Variants in COG5 observed in about 807,000 individuals in gnomAD.
COG5 encodes the protein component of oligomeric golgi complex 5.
A neutral mutation model predicts 110.4 loss-of-function variants in COG5; 86 were observed. That is an observed-to-expected ratio of 0.78 (90% CI 0.65 to 0.93). COG5 has a LOEUF of 0.93. COG5 is among the 40% of genes least tolerant of loss of function. COG5 has a pLI of 0.00. For synonymous variants in COG5, 360 were observed against 334.6 expected, an observed-to-expected ratio of 1.08 and a Z score of -0.83; for missense variants, 1,077 against 987.0, an observed-to-expected ratio of 1.09 and a Z score of -1.22.
At chr7:107,262,662 C>T (rs567895791) in intron 14 of COG5, among the ~76,000 whole-genome samples, 1 of 152,086 alleles carries the variant, frequency 6.6e-6, no homozygotes, top group Non-Finnish European at 1.5e-5. Context: ...TGCTCCTAAG[C>T]CCCTAGGAGA....
At chr7:107,458,401 A>G (rs1467593712) in intron 6 of COG5, among the ~76,000 whole-genome samples, 1 of 152,248 alleles carries the variant, frequency 6.6e-6, no homozygotes, top group East Asian at 1.9e-4. Flanking sequence ...ACTATGAAGT[A>G]AAAAACAGCA....
chr7:107,305,479 T>C (rs1807636757), intron 11 of COG5, among the ~76,000 whole-genome samples: 1 of 152,202 alleles, frequency 6.6e-6, no homozygotes, highest in Non-Finnish European at 1.5e-5. Context: ...AGTTATCTAT[T>C]GTCATGTAAC....
intron 12 of COG5, among the ~76,000 whole-genome samples, chr7:107,297,535 G>A (rs925978757): frequency 5.1e-5 from 7 of 137,070 alleles, no homozygotes; most frequent in East Asian, 2.3e-4. Context: ...TGCTGCCTCC[G>A]TCTCCCGGGT....
At chr7:107,426,798 A>C (rs1163811284) in intron 6 of COG5, among the ~76,000 whole-genome samples, 2 of 152,198 alleles carry the variant, frequency 1.3e-5, no homozygotes, top group Non-Finnish European at 2.9e-5. Flanking sequence ...TGGGGCATTC[A>C]GATCAAAGTT....
chr7:107,315,764 C>T (rs75028197), intron 11 of COG5, among the ~76,000 whole-genome samples: 2,840 of 152,174 alleles, frequency 0.019, 87 homozygotes, highest in African/African-American at 0.063. Context: ...TACTACAGTA[C>T]ACTTCAGGGA....
intron 17 of COG5, among the ~76,000 whole-genome samples, chr7:107,248,008 G>A (rs1344610942): frequency 1.3e-5 from 2 of 152,084 alleles, no homozygotes; most frequent in Admixed American, 6.6e-5. Flanking sequence ...GTAACAAAGG[G>A]GCTGAAGTAG....
intron 6 of COG5, among the ~76,000 whole-genome samples, chr7:107,520,184 A>G (rs887367935): frequency 3.3e-5 from 5 of 152,230 alleles, no homozygotes; most frequent in African/African-American, 9.6e-5. Flanking sequence ...CCCATAGCCA[A>G]TATCATACTA....
intron 7 of COG5, among the ~76,000 whole-genome samples, chr7:107,409,396 G>T (rs1331132253): frequency 6.6e-6 from 1 of 151,906 alleles, no homozygotes; most frequent in Admixed American, 6.6e-5. Flanking sequence ...GTAGATTACT[G>T]AAAGTAATCT....
intron 6 of COG5, among the ~76,000 whole-genome samples, chr7:107,455,280 T>G (rs958810895): frequency 6.6e-6 from 1 of 152,120 alleles, no homozygotes; most frequent in Non-Finnish European, 1.5e-5. Context: ...AAAGTGGGTT[T>G]AGGCTTAAAC....
intron 6 of COG5, among the ~76,000 whole-genome samples, chr7:107,457,776 GA>G (rs1420947153): frequency 6.6e-6 from 1 of 151,854 alleles, no homozygotes; most frequent in Admixed American, 6.6e-5. Context: ...ATGTTCTAAG[GA>G]AAAAAAGTAT....
At chr7:107,546,935 T>G (rs923038041) in intron 5 of COG5, among the ~76,000 whole-genome samples, 2 of 152,188 alleles carry the variant, frequency 1.3e-5, no homozygotes, top group African/African-American at 4.8e-5. Context: ...TACTGTTGAA[T>G]TCTACCATAC....
intron 7 of COG5, among the ~76,000 whole-genome samples, chr7:107,376,533 AT>A (rs1173170890): frequency 2.6e-5 from 4 of 151,812 alleles, no homozygotes. Flanking sequence ...TTTGATATAA[AT>A]TGTATGTTTT....
At chr7:107,271,668 A>G (rs1404176748) in intron 14 of COG5, among the ~76,000 whole-genome samples, 1 of 152,128 alleles carries the variant, frequency 6.6e-6, no homozygotes, top group Non-Finnish European at 1.5e-5. Context: ...ATTTTACTAA[A>G]AATCATAATT....
intron 6 of COG5, among the ~76,000 whole-genome samples, chr7:107,454,532 A>C (rs1795543079): frequency 1.3e-5 from 2 of 152,212 alleles, no homozygotes; most frequent in Admixed American, 1.3e-4. Context: ...TATATTTAAA[A>C]CACCTAATGC....
At chr7:107,544,813 T>C (rs545166300) in intron 5 of COG5, among the ~76,000 whole-genome samples, 2 of 152,306 alleles carry the variant, frequency 1.3e-5, no homozygotes, top group South Asian at 4.1e-4. Flanking sequence ...ATGAGCTGCC[T>C]AACAAGCAAT....
intron 6 of COG5, among the ~76,000 whole-genome samples, chr7:107,458,168 A>T (rs942846568): frequency 3.3e-5 from 5 of 152,216 alleles, no homozygotes; most frequent in Admixed American, 2.0e-4. Flanking sequence ...TGAAGACAAA[A>T]AGAACATATT....
intron 6 of COG5, among the ~76,000 whole-genome samples, chr7:107,506,525 A>T (rs1799019854): frequency 6.6e-6 from 1 of 152,114 alleles, no homozygotes; most frequent in African/African-American, 2.4e-5. Flanking sequence ...GAGGTGTATT[A>T]ACTGTCTCTG....
At chr7:107,432,047 T>A (rs902935222) in intron 6 of COG5, among the ~76,000 whole-genome samples, 5 of 152,188 alleles carry the variant, frequency 3.3e-5, no homozygotes, top group Non-Finnish European at 7.3e-5. Flanking sequence ...TGTGTGTGTG[T>A]GCATGAACAT....
At chr7:107,434,055 A>T (rs1193749342) in intron 6 of COG5, among the ~76,000 whole-genome samples, 1 of 152,250 alleles carries the variant, frequency 6.6e-6, no homozygotes. Context: ...GCACATGAAA[A>T]GATGTTCAAC....
Sources: gnomAD v4.1 joint callset for allele counts (sites outside exome capture counted in the v4.1 genomes callset) on GRCh38, gnomAD v4.1.1 for gene constraint, MANE v1.5 for transcripts, NCBI Gene and HGNC (gene_info 2026-07-23, HGNC 2026-07-21) for gene names.